MDGA2: variants seen among roughly 807,000 people sequenced by gnomAD.
The protein encoded by MDGA2 is MAM domain containing glycosylphosphatidylinositol anchor 2.
Under a neutral mutation model 117.8 loss-of-function variants are expected in MDGA2, and 40 were observed. The observed-to-expected ratio is 0.34, with a 90% CI of 0.26 to 0.44. The LOEUF (loss-of-function observed/expected upper bound fraction) is 0.44, where lower values mean the gene tolerates loss of function less well. Among genes scored for constraint, MDGA2 ranks in the 20% least tolerant of loss-of-function variants. The probability of loss-of-function intolerance (pLI) is 1.00; values close to 1 mark genes in which losing one functional copy is unlikely to be tolerated. For synonymous variants in MDGA2, 452 were observed against 439.0 expected, an observed-to-expected ratio of 1.03 and a Z score of -0.37; for missense variants, 1,123 against 1,250.6, an observed-to-expected ratio of 0.90 and a Z score of 1.54.
chr14:47,395,958 T>C (rs1203332137), intron 1 of MDGA2, among the ~76,000 whole-genome samples: 1 of 152,122 alleles, frequency 6.6e-6, no homozygotes, highest in Admixed American at 6.6e-5. Flanking sequence ...GTAGCAAGCA[T>C]GAAAAACAAA....
chr14:47,225,447 G>A (rs1886452218), intron 2 of MDGA2, among the ~76,000 whole-genome samples: 1 of 152,084 alleles, frequency 6.6e-6, no homozygotes, highest in South Asian at 2.1e-4. Flanking sequence ...TTAAGAAAAT[G>A]TGGCACATAG....
chr14:47,016,264 G>C (rs569420180), intron 8 of MDGA2, among the ~76,000 whole-genome samples: 1 of 152,042 alleles, frequency 6.6e-6, no homozygotes, highest in Admixed American at 6.6e-5. Context: ...TCATAGGATT[G>C]CTCTGAAGAG....
intron 8 of MDGA2, among the ~76,000 whole-genome samples, chr14:47,005,382 C>A (rs1054886116): frequency 2.0e-5 from 3 of 151,412 alleles, no homozygotes; most frequent in African/African-American, 7.3e-5. Context: ...GGATTTTTTT[C>A]TTCAGTTTAT....
At chr14:47,050,337 G>A (rs1017943154) in intron 7 of MDGA2, among the ~76,000 whole-genome samples, 16 of 152,020 alleles carry the variant, frequency 1.1e-4, no homozygotes, top group African/African-American at 3.9e-4. Flanking sequence ...CAACTGTAAA[G>A]TGTTTAACCT....
chr14:47,631,840 C>G (rs1566550419), intron 1 of MDGA2, among the ~76,000 whole-genome samples: 2 of 152,116 alleles, frequency 1.3e-5, no homozygotes, highest in Non-Finnish European at 2.9e-5. Flanking sequence ...CCAACCCACA[C>G]CCTGCAGGCC....
chr14:46,880,925 T>G (rs1194662331), intron 11 of MDGA2, among the ~76,000 whole-genome samples: 2 of 151,436 alleles, frequency 1.3e-5, no homozygotes, highest in Admixed American at 1.3e-4. Context: ...AGTTCTGCAC[T>G]AATTTCTATT....
chr14:46,942,773 A>C (rs1352838113), intron 9 of MDGA2, among the ~76,000 whole-genome samples: 1 of 152,122 alleles, frequency 6.6e-6, no homozygotes, highest in Non-Finnish European at 1.5e-5. Context: ...CATTTCGTGA[A>C]TAGATCACAA....
chr14:47,108,686 C>T (rs1041555980), intron 5 of MDGA2, among the ~76,000 whole-genome samples: 8 of 152,274 alleles, frequency 5.3e-5, no homozygotes, highest in South Asian at 4.1e-4. Context: ...GGACTCAGCC[C>T]GCCTGCACCC....
intron 9 of MDGA2, among the ~76,000 whole-genome samples, chr14:46,934,321 C>A (rs1037421732): frequency 1.3e-5 from 2 of 151,948 alleles, no homozygotes; most frequent in Non-Finnish European, 2.9e-5. Context: ...AAAACATGGA[C>A]TTATGGAGCA....
At chr14:47,468,808 G>T (rs1485168152) in intron 1 of MDGA2, among the ~76,000 whole-genome samples, 1 of 152,054 alleles carries the variant, frequency 6.6e-6, no homozygotes, top group African/African-American at 2.4e-5. Flanking sequence ...CTTTTCACAT[G>T]ATTTCATCTC....
intron 2 of MDGA2, among the ~76,000 whole-genome samples, chr14:47,287,754 C>A (rs1365190142): frequency 6.6e-6 from 1 of 152,086 alleles, no homozygotes; most frequent in Non-Finnish European, 1.5e-5. Context: ...TACCTCACAA[C>A]GTGATGTTAC....
intron 1 of MDGA2, among the ~76,000 whole-genome samples, chr14:47,628,038 A>G (rs913676161): frequency 6.6e-6 from 1 of 152,164 alleles, no homozygotes; most frequent in Non-Finnish European, 1.5e-5. Flanking sequence ...ACACAGTACC[A>G]CCTGCCATAG....
chr14:47,052,311 T>G (rs187917551), intron 7 of MDGA2, among the ~76,000 whole-genome samples: 1 of 151,956 alleles, frequency 6.6e-6, no homozygotes, highest in Admixed American at 6.6e-5. Flanking sequence ...ACCTGAGAAT[T>G]TGAAAAAGTA....
chr14:47,153,911 T>C (rs1458600653), intron 3 of MDGA2, among the ~76,000 whole-genome samples: 3 of 152,146 alleles, frequency 2.0e-5, no homozygotes, highest in Non-Finnish European at 4.4e-5. Flanking sequence ...AAGTAATAGA[T>C]CACTGGGGAC....
intron 5 of MDGA2, among the ~76,000 whole-genome samples, chr14:47,119,494 G>T (rs1210181789): frequency 6.6e-6 from 1 of 152,104 alleles, no homozygotes; most frequent in Non-Finnish European, 1.5e-5. Context: ...GAATATTTCA[G>T]TTCCTTAAAA....
chr14:47,520,446 AATG>A (rs1228632787), intron 1 of MDGA2, among the ~76,000 whole-genome samples: 2 of 152,212 alleles, frequency 1.3e-5, no homozygotes, highest in African/African-American at 4.8e-5. Context: ...GGCTGATGTC[AATG>A]ATAAGTAAAA....
chr14:47,669,567 A>AT (rs1474053123), intron 1 of MDGA2, among the ~76,000 whole-genome samples: 1 of 152,158 alleles, frequency 6.6e-6, no homozygotes, highest in African/African-American at 2.4e-5. Flanking sequence ...AACAAGGACA[A>AT]TTTTTGAATG....
At chr14:47,094,858 A>G (rs1215156765) in intron 6 of MDGA2, among the ~76,000 whole-genome samples, 1 of 152,040 alleles carries the variant, frequency 6.6e-6, no homozygotes, top group Admixed American at 6.6e-5. Flanking sequence ...TCTCTTTTAA[A>G]AAAATGGGGT....
intron 10 of MDGA2, among the ~76,000 whole-genome samples, chr14:46,901,756 C>G (rs1455798854): frequency 6.6e-6 from 1 of 152,178 alleles, no homozygotes; most frequent in Admixed American, 6.5e-5. Flanking sequence ...ACAACTGAGG[C>G]TCCCTGCTAG....
Sources: gnomAD v4.1 joint callset for allele counts (sites outside exome capture counted in the v4.1 genomes callset) on GRCh38, gnomAD v4.1.1 for gene constraint, MANE v1.5 for transcripts, NCBI Gene and HGNC (gene_info 2026-07-23, HGNC 2026-07-21) for gene names.